The following FAM186B variants were observed in gnomAD, a reference collection of about 807,000 sequenced individuals.
FAM186B encodes the protein protein FAM186B.
FAM186B carries 68 observed loss-of-function variants against 83.4 expected under a neutral mutation model. The observed-to-expected ratio is 0.81, with a 90% CI of 0.67 to 1.00. The LOEUF (loss-of-function observed/expected upper bound fraction) is 1.00, where lower values mean the gene tolerates loss of function less well. Ranked by LOEUF, FAM186B falls within the 50% of genes least tolerant of loss-of-function variation. The pLI is 0.00. For synonymous variants in FAM186B, 389 were observed against 422.0 expected, an observed-to-expected ratio of 0.92 and a Z score of 0.96; for missense variants, 983 against 1,099.2, an observed-to-expected ratio of 0.89 and a Z score of 1.49.
downstream of FAM186B, among the ~76,000 whole-genome samples, chr12:49,586,245 G>A (rs1380244198): frequency 5.9e-5 from 9 of 152,196 alleles, no homozygotes; most frequent in African/African-American, 1.9e-4. Flanking sequence ...GGAGGCCTGG[G>A]TGTGGGTGGA....
the FAM186B span, chr12:49,619,464 T>C: frequency 5.5e-3 from 3,653 of 661,644 alleles, 93 homozygotes; most frequent in African/African-American, 0.053. Context: ...GCATATGTAT[T>C]ATACAAACTG....
At chr12:49,595,662 G>A (rs1592548913) in intron 5 of FAM186B, 1 of 426,710 alleles carries the variant, frequency 2.3e-6, no homozygotes, top group East Asian at 6.1e-5. Flanking sequence ...GGCAGCTCAA[G>A]TGAAGGCTCC....
Position 49,601,013 on chromosome 12 carries a change from G to A in FAM186B, c.627C>T (p.Ala209=), listed in dbSNP as rs1239558032. The change falls in exon 4 of 7, where the codon GCC becomes GCT. Residue 209 remains alanine (A), a synonymous_variant. Transcript: ENST00000257894. The part of the protein sequence containing the change: ...LQDQHTMNTK[A]SEVTSMLQEL... ...CCTGCAGCATGGACGTCACCTCCGAGGCCTTCGTGTTCATGGTATGCTGGT... is the reference window on the plus strand; with the variant it reads ...CCTGCAGCATGGACGTCACCTCCGAAGCCTTCGTGTTCATGGTATGCTGGT... 13 of 1,614,196 alleles carry A rather than the reference G, an allele frequency of 8.1e-6. No homozygotes were observed. The highest frequency in any genetic ancestry group is 9.3e-6 in the Non-Finnish European group (11 of 1,180,028).
intron 5 of FAM186B, among the ~76,000 whole-genome samples, chr12:49,596,838 C>T (rs923588658): frequency 6.6e-6 from 1 of 152,152 alleles, no homozygotes; most frequent in Non-Finnish European, 1.5e-5. Flanking sequence ...ATGTCCATTG[C>T]AGTATTACTC....
intron 5 of FAM186B, chr12:49,593,225 CAG>C (rs1356243334): frequency 2.6e-5 from 4 of 152,268 alleles, no homozygotes; most frequent in African/African-American, 9.6e-5. Context: ...TATATAGACA[CAG>C]AGGTTAACAG....
In FAM186B at chr12:49,600,225, G is replaced by A; in HGVS notation, c.1415C>T (p.Thr472Ile). 6.2e-7 allele frequency: 1 copy of A among 1,612,768 alleles called. No individual in the cohort carries two copies. Among genetic ancestry groups the A allele is most frequent in the East Asian group, 2.2e-5 (1 of 44,864 alleles). The change falls in exon 4 of 7, where the codon ACC becomes ATC. Residue 472 changes from threonine (T) to isoleucine (I), a missense_variant. Coordinates refer to ENST00000257894, the MANE Select transcript of FAM186B (RefSeq NM_032130.3). This position sits in a 1 kb window ranked among gnomAD's most constrained non-coding sequence, Gnocchi z 4.3. ...QLSLESSRQV[T>I]SESQEEPWEE... ...CCAGGGCTCCTCTTGGCTCTCAGAG[G>A]TCACCTGCCTGGAGCTCTCTAGAGA...
downstream of FAM186B, among the ~76,000 whole-genome samples, chr12:49,584,777 A>G (rs1314588353): frequency 1.3e-5 from 2 of 152,186 alleles, no homozygotes; most frequent in African/African-American, 4.8e-5. Context: ...CCCAAGTCCC[A>G]GGGGCTCTGC....
At chr12:49,586,367 C>T (rs988306202), downstream of FAM186B, among the ~76,000 whole-genome samples, 5 of 152,090 alleles carry the variant, frequency 3.3e-5, no homozygotes, top group Admixed American at 2.0e-4. Context: ...AAATGAATCC[C>T]GTTTCTCACT....
intron 5 of FAM186B, among the ~76,000 whole-genome samples, chr12:49,597,532 C>G (rs1939756770): frequency 6.6e-6 from 1 of 152,118 alleles, no homozygotes; most frequent in African/African-American, 2.4e-5. Flanking sequence ...GACTAAGAAA[C>G]TGAAAGCTCT....
chr12:49,589,652 AAGAC>A (rs1359078683), intron 5 of FAM186B, among the ~76,000 whole-genome samples: 1 of 152,126 alleles, frequency 6.6e-6, no homozygotes, highest in African/African-American at 2.4e-5. Context: ...TGAAAAAAAA[AAGAC>A]AAAGAAGTTA....
At chr12:49,621,498 A>G in the FAM186B span, among the ~76,000 whole-genome samples, 30 of 152,326 alleles carry the variant, frequency 2.0e-4, no homozygotes, top group Admixed American at 1.4e-3. Context: ...GAAGGTCAGC[A>G]GTCTCCAGCA....
At chr12:49,621,419 G>A in the FAM186B span, among the ~76,000 whole-genome samples, 1 of 152,294 alleles carries the variant, frequency 6.6e-6, no homozygotes, top group African/African-American at 2.4e-5. Flanking sequence ...ACATGCCCAG[G>A]AGAATGAGAA....
chr12:49,595,337 C>G (rs1939690728), intron 5 of FAM186B: 3 of 590,578 alleles, frequency 5.1e-6, no homozygotes, highest in South Asian at 4.2e-5. Flanking sequence ...GTAGTTCTAC[C>G]AGGAGGTAAT....
At chr12:49,589,978 CAAAAAAAAAAAA>C (rs57724815) in intron 5 of FAM186B, among the ~76,000 whole-genome samples, 4 of 60,694 alleles carry the variant, frequency 6.6e-5, no homozygotes, top group Non-Finnish European at 9.7e-5. Context: ...ACTCTGTCTC[CAAAAAAAAAAAA>C]AAAAAAAAAA....
Position 49,600,875 on chromosome 12 carries a change from C to G in FAM186B, c.765G>C (p.Arg255Ser), listed in dbSNP as rs74086906. The G allele has an allele frequency of 6.4e-3, 10,266 of 1,614,090 alleles. 560 individuals are homozygous for G. The African/African-American group carries it at 0.12, about 19-fold the overall frequency. The change falls in exon 4 of 7, where the codon AGG (arginine) becomes AGC (serine). Residue 255 changes from arginine (R) to serine (S), a missense_variant. Physicochemically the swap from Arg to Ser is moderately radical, Grantham distance 110. Coordinates refer to ENST00000257894, the MANE Select transcript of FAM186B (RefSeq NM_032130.3). The surrounding 1 kb of genome is among the most constrained non-coding windows in gnomAD (Gnocchi z 4.3). ...KALILQHKEN[R>S]SLETKYRHLQ... ...GGTGCCTGTATTTGGTCTCCAGGCTCCTGTTCTCCTTGTGTTGGAGGATCA... is the reference window on the plus strand; with the variant it reads ...GGTGCCTGTATTTGGTCTCCAGGCTGCTGTTCTCCTTGTGTTGGAGGATCA...
intron 6 of FAM186B, among the ~76,000 whole-genome samples, 187 bp downstream of exon 6, chr12:49,588,267 C>T (rs903331851): frequency 1.3e-5 from 2 of 152,236 alleles, no homozygotes; most frequent in African/African-American, 2.4e-5. Context: ...CTATGACATA[C>T]ACCCCACCTG....
At chr12:49,584,694 G>A, downstream of FAM186B, 1 of 696,108 alleles carries the variant, frequency 1.4e-6, no homozygotes, top group Non-Finnish European at 2.6e-6. Context: ...CCACACCTGA[G>A]CACTTCCCAG....
chr12:49,608,205 A>C (rs1487054204), upstream of FAM186B, among the ~76,000 whole-genome samples: 2 of 150,278 alleles, frequency 1.3e-5, no homozygotes, highest in Admixed American at 1.3e-4. Context: ...AAAAAAAAAA[A>C]GTTGGCCGGG....
chr12:49,584,919 C>T (rs1349046801), downstream of FAM186B, among the ~76,000 whole-genome samples: 1 of 152,094 alleles, frequency 6.6e-6, no homozygotes, highest in East Asian at 1.9e-4. Flanking sequence ...TCCCAGAGGC[C>T]GCATTGTAAG....
Sources: gnomAD v4.1 joint callset for allele counts (sites outside exome capture counted in the v4.1 genomes callset) on GRCh38, gnomAD v4.1.1 for gene constraint, Gnocchi (gnomAD v3.1) non-coding constraint, MANE v1.5 for transcripts, NCBI Gene and HGNC (gene_info 2026-07-23, HGNC 2026-07-21) for gene names.